The following UGT2A2 variants were observed in gnomAD, a reference collection of about 807,000 sequenced individuals.
The protein encoded by UGT2A2 is UDP glucuronosyltransferase family 2 member A2, also known as UDP-glucuronosyltransferase 2A2.
In UGT2A2, 60 loss-of-function variants were observed where a neutral mutation model predicts 50.7. The ratio of observed to expected loss-of-function variants is 1.18; its 90% CI spans 0.96 to 1.47. UGT2A2 has a LOEUF of 1.47. Ranked by LOEUF, UGT2A2 falls within the 40% of genes most tolerant of loss-of-function variation. The pLI is 0.00. For missense variants in UGT2A2, 762 were observed against 634.0 expected (o/e 1.20, Z -2.17); for synonymous variants, 242 against 214.6 (o/e 1.13, Z -1.11).
At chr4:69,616,833 C>CTTT (rs4148315) in intron 1 of UGT2A2, among the ~76,000 whole-genome samples, 36,144 of 126,234 alleles carry the variant, frequency 0.29, 4,806 homozygotes, top group Admixed American at 0.38. Context: ...ATTTTCTTTT[C>CTTT]TTTTTTTTTT....
chr4:69,633,552 A>G (rs1218879951), intron 1 of UGT2A2, among the ~76,000 whole-genome samples: 1 of 152,224 alleles, frequency 6.6e-6, no homozygotes, highest in Non-Finnish European at 1.5e-5. Flanking sequence ...CTAAATTTCC[A>G]TCAGCAGTAG....
intron 1 of UGT2A2, among the ~76,000 whole-genome samples, chr4:69,628,683 G>T (rs886532218): frequency 2.1e-5 from 3 of 145,042 alleles, no homozygotes; most frequent in Admixed American, 7.1e-5. Context: ...TTAAATGGGA[G>T]AAAAAAATAA....
chr4:69,628,059 T>G (rs1221220003), intron 1 of UGT2A2, among the ~76,000 whole-genome samples: 1 of 151,974 alleles, frequency 6.6e-6, no homozygotes, highest in Non-Finnish European at 1.5e-5. Context: ...TTTGGTGTTA[T>G]ATCCAAGAAA....
In UGT2A2 at chr4:69,589,420, A is replaced by G. The variant is rs769256426; in HGVS notation, c.1563T>C (p.Phe521=). The change falls in exon 6 of 6, where the codon TTT becomes TTC. Residue 521 remains phenylalanine (F), a synonymous_variant. Coordinates refer to ENST00000604629, the MANE Select transcript of UGT2A2 (RefSeq NM_001105677.2). ...CTATCTTACCAAATTTTTGACAGGA[A>G]AACAAACAACATTGTATGACCAAAA... ...AIFLVIQCCL[F]SCQKFGKIGK... 6.2e-7 allele frequency: 1 copy of G among 1,613,844 alleles called. No homozygotes were observed. Among genetic ancestry groups the G allele is most frequent in the Non-Finnish European group, 8.5e-7 (1 of 1,179,826 alleles).
chr4:69,601,709 T>C (rs560082107), intron 1 of UGT2A2, among the ~76,000 whole-genome samples: 1 of 151,674 alleles, frequency 6.6e-6, no homozygotes, highest in Admixed American at 6.6e-5. Flanking sequence ...TCTATGTAAC[T>C]CCCCTGCCAC....
At chr4:69,617,430 CAT>C (rs1720466682) in intron 1 of UGT2A2, among the ~76,000 whole-genome samples, 2 of 151,768 alleles carry the variant, frequency 1.3e-5, no homozygotes, top group Admixed American at 6.6e-5. Context: ...ATGTTTATAA[CAT>C]GTAAGAAATG....
intron 1 of UGT2A2, among the ~76,000 whole-genome samples, chr4:69,627,286 C>A (rs1721114860): frequency 6.6e-6 from 1 of 151,630 alleles, no homozygotes; most frequent in Non-Finnish European, 1.5e-5. Flanking sequence ...AAAATCAAAT[C>A]CACTGCTTAT....
At chr4:69,612,919 A>AC (rs1430657015) in intron 1 of UGT2A2, among the ~76,000 whole-genome samples, 1 of 151,374 alleles carries the variant, frequency 6.6e-6, no homozygotes, top group African/African-American at 2.4e-5. Flanking sequence ...AAAAAAAAAA[A>AC]ACTATCCAGA....
intron 1 of UGT2A2, chr4:69,635,758 CAGA>C (rs774122280): frequency 2.7e-4 from 56 of 207,466 alleles, no homozygotes; most frequent in Non-Finnish European, 4.2e-4. Flanking sequence ...ACCCGGGAAG[CAGA>C]GGTTGCAGTG....
At position 69,639,345 on chromosome 4, in the gene UGT2A2, A is replaced by G. The variant is rs376566612; in HGVS notation, c.296T>C (p.Met99Thr). Reference protein sequence around the residue: ...KSNIDSLIEHMIMLWIDHRPT... With the variant: ...KSNIDSLIEHTIMLWIDHRPT... The stretch of plus-strand genomic sequence containing the variant: ...TCTATGGTCAATCCACAGCATTATC[A>G]TATGCTCAATTAAGGAATCTATATT... Residue 99 changes from methionine (M) to threonine (T), a missense_variant, in exon 1 of 6, where the codon ATG (methionine) becomes ACG (threonine). Coordinates refer to ENST00000604629, the MANE Select transcript of UGT2A2 (RefSeq NM_001105677.2). 5.0e-6 allele frequency: 8 copies of G among 1,613,740 alleles called. No homozygotes were observed. The East Asian group carries it at 6.7e-5, about 13-fold the overall frequency.
chr4:69,611,057 T>C (rs1720005595), intron 1 of UGT2A2, among the ~76,000 whole-genome samples: 1 of 152,270 alleles, frequency 6.6e-6, no homozygotes, highest in African/African-American at 2.4e-5. Flanking sequence ...AAAACCATTA[T>C]TTAGCAGAAT....
At chr4:69,620,378 CAATTGCTAAAAAAGAAT>C (rs147614722) in intron 1 of UGT2A2, among the ~76,000 whole-genome samples, 5 of 151,752 alleles carry the variant, frequency 3.3e-5, no homozygotes, top group African/African-American at 4.8e-5. Context: ...ATCCCATTCA[CAATTGCTAAAAAAGAAT>C]AAAATGCCTA....
intron 1 of UGT2A2, among the ~76,000 whole-genome samples, chr4:69,623,619 G>A (rs1450523077): frequency 6.6e-6 from 1 of 151,252 alleles, no homozygotes; most frequent in Non-Finnish European, 1.5e-5. Flanking sequence ...GCAAAGAATT[G>A]AAGTCACAGT....
At chr4:69,629,520 T>G (rs1188647528) in intron 1 of UGT2A2, among the ~76,000 whole-genome samples, 1 of 152,082 alleles carries the variant, frequency 6.6e-6, no homozygotes, top group Non-Finnish European at 1.5e-5. Flanking sequence ...GTTTTTGCTC[T>G]GAGGGTCTGG....
rs373574032 is a variant in UGT2A2 at position 69,610,476 on chromosome 4, T to G, written c.743-11082A>C. Reference sequence around the variant, plus strand: ...ACAAATATTTTTTTCAGTTGACTTATGAACCAATTAATATTATGCACCCTT... The same window carrying G: ...ACAAATATTTTTTTCAGTTGACTTAGGAACCAATTAATATTATGCACCCTT... On this transcript the variant is annotated intron_variant, in intron 1 of 5. Transcript: ENST00000604629. Among the ~76,000 whole-genome samples, 9 of 152,282 alleles carry G rather than the reference T, an allele frequency of 5.9e-5. No homozygotes were observed. In the East Asian group the frequency reaches 1.7e-3, roughly 29 times the overall value.
At chr4:69,603,677 T>A (rs1719430443) in intron 1 of UGT2A2, 1 of 135,074 alleles carries the variant, frequency 7.4e-6, no homozygotes, top group Non-Finnish European at 1.6e-5. Flanking sequence ...GAAAAAAAAT[T>A]AGACGAATGG....
intron 1 of UGT2A2, among the ~76,000 whole-genome samples, chr4:69,609,041 T>C (rs893009293): frequency 6.6e-6 from 1 of 152,098 alleles, no homozygotes. Context: ...TCCATTAAAT[T>C]TAAAATCTAC....
At chr4:69,599,174 G>T in intron 2 of UGT2A2, 72 bp downstream of exon 2, 1 of 1,494,040 alleles carries the variant, frequency 6.7e-7, no homozygotes, top group Non-Finnish European at 8.9e-7. Flanking sequence ...TGTTATTGAG[G>T]CTATAAACTT....
intron 1 of UGT2A2, among the ~76,000 whole-genome samples, chr4:69,630,544 C>T (rs17674648): frequency 0.26 from 39,838 of 151,860 alleles, 5,643 homozygotes; most frequent in African/African-American, 0.34. Flanking sequence ...TACTACAAAT[C>T]ACTGTGAATA....
Sources: allele counts gnomAD v4.1 joint callset (sites outside exome capture counted in the v4.1 genomes callset), GRCh38; gene constraint gnomAD v4.1.1; transcripts MANE v1.5; gene names NCBI Gene and HGNC (gene_info 2026-07-23, HGNC 2026-07-21).